Variants in DNAAF11 observed in about 807,000 individuals in gnomAD.
DNAAF11 encodes leucine rich repeat containing 6.
A neutral mutation model predicts 60.8 loss-of-function variants in DNAAF11; 45 were observed. The observed-to-expected ratio is 0.74, with a 90% CI of 0.58 to 0.95. DNAAF11 has a LOEUF of 0.95. DNAAF11 is among the 40% of genes least tolerant of loss of function. The pLI, the probability that DNAAF11 is intolerant of heterozygous loss-of-function variation, is 0.00. For synonymous variants in DNAAF11, 191 were observed against 183.5 expected (o/e 1.04, Z -0.33); for missense variants, 546 against 546.2 (o/e 1.00, Z 0.00).
chr8:132,578,388 G>C, intron 11 of DNAAF11: 1 of 1,389,666 alleles, frequency 7.2e-7, no homozygotes, highest in South Asian at 1.5e-5. Flanking sequence ...CCAAAACAAA[G>C]TGGGGAGGGG....
chr8:132,622,236 A>G (rs1819834804), intron 7 of DNAAF11, among the ~76,000 whole-genome samples: 1 of 152,206 alleles, frequency 6.6e-6, no homozygotes, highest in African/African-American at 2.4e-5. Flanking sequence ...AAGTAGATGT[A>G]TAGAAGGTAC....
At chr8:132,576,337 G>T (rs921562001) in intron 11 of DNAAF11, among the ~76,000 whole-genome samples, 1 of 152,176 alleles carries the variant, frequency 6.6e-6, no homozygotes. Context: ...ACCCAGGTTT[G>T]TGTGTGTCCT....
chr8:132,680,591 C>T (rs1189998533), upstream of DNAAF11, among the ~76,000 whole-genome samples: 2 of 152,120 alleles, frequency 1.3e-5, no homozygotes, highest in African/African-American at 4.8e-5. Flanking sequence ...AAAGTTTCTA[C>T]ATTGCAACTT....
the DNAAF11 span, chr8:132,702,016 T>A: frequency 6.6e-6 from 1 of 152,246 alleles, no homozygotes; most frequent in Admixed American, 6.5e-5. Flanking sequence ...ATTTCTTCTC[T>A]TTTGCTTATT....
At chr8:132,587,157 C>T (rs960445924) in intron 10 of DNAAF11, among the ~76,000 whole-genome samples, 1 of 152,088 alleles carries the variant, frequency 6.6e-6, no homozygotes, top group African/African-American at 2.4e-5. Flanking sequence ...ATAATAAGCA[C>T]AAAGACTCTG....
intron 3 of DNAAF11, among the ~76,000 whole-genome samples, chr8:132,648,542 T>C (rs1011033854): frequency 2.6e-5 from 4 of 152,160 alleles, no homozygotes; most frequent in Non-Finnish European, 4.4e-5. Context: ...ATAAAGGGTA[T>C]TCAATTAGGA....
At position 132,574,844 on chromosome 8, in the gene DNAAF11, T is replaced by C. The variant is rs1283664798; in HGVS notation, c.1227-2364A>G. On this transcript the variant is annotated intron_variant, in intron 11 of 11. Coordinates refer to ENST00000620350, the MANE Select transcript of DNAAF11 (RefSeq NM_012472.6). ...TCAGCCAAGTTCCCACAGATAAACA[T>C]AGGCAGAACTAGCTGGGAACTGAAT... Among the ~76,000 whole-genome samples, 5 of 152,234 alleles carry C rather than the reference T, an allele frequency of 3.3e-5. No individual in the cohort carries two copies. The East Asian group carries it at 7.7e-4, about 24-fold the overall frequency.
the DNAAF11 span, among the ~76,000 whole-genome samples, chr8:132,689,821 C>T: frequency 6.6e-6 from 1 of 152,016 alleles, no homozygotes; most frequent in Non-Finnish European, 1.5e-5. Flanking sequence ...TCAAGCAATC[C>T]TTTGCCTCAG....
chr8:132,661,698 G>A (rs767905501), intron 1 of DNAAF11, 71 bp from the exon 2 acceptor site: 122 of 1,499,748 alleles, frequency 8.1e-5, no homozygotes, highest in East Asian at 4.1e-4. Flanking sequence ...TGTTGTTAAC[G>A]CATTTGTGTT....
intron 11 of DNAAF11, among the ~76,000 whole-genome samples, chr8:132,580,093 A>C (rs1815170325): frequency 6.6e-6 from 1 of 152,130 alleles, no homozygotes; most frequent in Non-Finnish European, 1.5e-5. Flanking sequence ...AAATATAAAA[A>C]CTTCAGATAT....
chr8:132,609,735 C>T (rs756641835), intron 10 of DNAAF11, among the ~76,000 whole-genome samples: 27 of 152,106 alleles, frequency 1.8e-4, no homozygotes, highest in Non-Finnish European at 2.9e-4. Context: ...TCAGAAAGAT[C>T]CTGACCCAAT....
the DNAAF11 span, among the ~76,000 whole-genome samples, chr8:132,693,070 G>A: frequency 1.3e-5 from 2 of 152,216 alleles, no homozygotes; most frequent in Non-Finnish European, 2.9e-5. Flanking sequence ...TGGTGAGTGA[G>A]CCAGGTGGGG....
intron 11 of DNAAF11, among the ~76,000 whole-genome samples, chr8:132,575,883 T>C (rs1364297931): frequency 6.6e-6 from 1 of 152,078 alleles, no homozygotes; most frequent in African/African-American, 2.4e-5. Flanking sequence ...TGAGGGAAGC[T>C]TGGATGGCTG....
At chr8:132,635,585 T>A (rs1366221261) in intron 4 of DNAAF11, among the ~76,000 whole-genome samples, 1 of 152,190 alleles carries the variant, frequency 6.6e-6, no homozygotes, top group Admixed American at 6.5e-5. Flanking sequence ...TATGTGACTA[T>A]CTAAAATAAC....
rs774104305 is a variant in DNAAF11 at position 132,675,478 on chromosome 8, G to A, written c.10+6C>T. On this transcript the variant is annotated splice_donor_region_variant and intron_variant, in intron 1 of 11. Coordinates refer to ENST00000620350, the MANE Select transcript of DNAAF11 (RefSeq NM_012472.6). ...GATCGAGGACGGAAGGTGGAGGGGG[G>A]CTTACTCCAGCCCATGGCGCCTCTC... 4 of 1,566,640 alleles carry A rather than the reference G, an allele frequency of 2.6e-6. No individual in the cohort carries two copies. Among genetic ancestry groups the A allele is most frequent in the Non-Finnish European group, 3.5e-6 (4 of 1,153,474 alleles).
upstream of DNAAF11, among the ~76,000 whole-genome samples, chr8:132,676,467 C>G (rs921881346): frequency 2.6e-5 from 4 of 152,196 alleles, no homozygotes; most frequent in Non-Finnish European, 4.4e-5. Context: ...AAAGGTAAAA[C>G]CTTCTCCCAT....
At chr8:132,619,712 G>C (rs1281304462) in intron 7 of DNAAF11, among the ~76,000 whole-genome samples, 1 of 152,220 alleles carries the variant, frequency 6.6e-6, no homozygotes, top group East Asian at 1.9e-4. Context: ...GGAGGTTGTT[G>C]CTTTAATTTT....
At chr8:132,601,843 G>A (rs1817655050) in intron 10 of DNAAF11, among the ~76,000 whole-genome samples, 1 of 152,108 alleles carries the variant, frequency 6.6e-6, no homozygotes, top group Non-Finnish European at 1.5e-5. Context: ...AATGGGTGCA[G>A]CACACCAACA....
chr8:132,579,998 A>G (rs979564850), intron 11 of DNAAF11, among the ~76,000 whole-genome samples: 1 of 152,266 alleles, frequency 6.6e-6, no homozygotes, highest in East Asian at 1.9e-4. Flanking sequence ...CTCTGTCTTA[A>G]AAAAACAAAT....
Sources: gnomAD v4.1 joint callset for allele counts (sites outside exome capture counted in the v4.1 genomes callset) on GRCh38, gnomAD v4.1.1 for gene constraint, MANE v1.5 for transcripts, NCBI Gene and HGNC (gene_info 2026-07-23, HGNC 2026-07-21) for gene names.